Variants in ACTL8 observed in about 807,000 individuals in gnomAD.
ACTL8 encodes the protein actin-like protein 8.
Under a neutral mutation model 9.3 loss-of-function variants are expected in ACTL8, and 3 were observed. That is an observed-to-expected ratio of 0.32 (90% CI 0.15 to 0.83). The LOEUF (loss-of-function observed/expected upper bound fraction) is 0.83. ACTL8 is among the 40% of genes least tolerant of loss of function. The pLI is 0.57. For missense variants in ACTL8, 381 were observed against 492.2 expected (o/e 0.77, Z 2.14); for synonymous variants, 224 against 205.9 (o/e 1.09, Z -0.75).
At chr1:17,764,694 A>G (rs2066031982) in intron 1 of ACTL8, among the ~76,000 whole-genome samples, 1 of 152,124 alleles carries the variant, frequency 6.6e-6, no homozygotes, top group Non-Finnish European at 1.5e-5. Flanking sequence ...GTGGCCTGAG[A>G]GCCTGGGTTT....
chr1:17,773,317 G>C (rs147039260), intron 1 of ACTL8, among the ~76,000 whole-genome samples: 1 of 152,288 alleles, frequency 6.6e-6, no homozygotes, highest in Non-Finnish European at 1.5e-5. Context: ...CTGGCTCACC[G>C]ATCGCTGTGC....
chr1:17,796,145 G>A (rs909140631), intron 1 of ACTL8, among the ~76,000 whole-genome samples: 5 of 152,184 alleles, frequency 3.3e-5, no homozygotes, highest in African/African-American at 1.2e-4. Context: ...AGGTCCTGGG[G>A]ACCCCAGCTG....
At chr1:17,760,090 C>A (rs1380187208) in intron 1 of ACTL8, among the ~76,000 whole-genome samples, 4 of 152,302 alleles carry the variant, frequency 2.6e-5, no homozygotes, top group East Asian at 3.9e-4. Context: ...TATGAATAAT[C>A]TGTGATGTGT....
Position 17,802,416 on chromosome 1 carries a change from T to C in ACTL8, c.-24-20569T>C, listed in dbSNP as rs561317455. 5.6e-4 allele frequency among the ~76,000 whole-genome samples: 77 copies of C among 136,890 alleles called. 1 individual carries two copies. Among genetic ancestry groups the C allele is most frequent in the African/African-American group, 2.1e-3 (74 of 34,994 alleles). 89.8% of individuals were successfully genotyped at this position (136,890 alleles called of 152,430 possible). On this transcript the variant is annotated intron_variant, in intron 1 of 2. Transcript: ENST00000375406. The stretch of plus-strand genomic sequence containing the variant: ...CACTGAACAGCAGATCCCGGATGAC[T>C]GTGCGTGCGTGTGTGTGTGTGTGTG...
At chr1:17,763,842 G>A (rs9793379) in intron 1 of ACTL8, among the ~76,000 whole-genome samples, 1 of 152,184 alleles carries the variant, frequency 6.6e-6, no homozygotes, top group Non-Finnish European at 1.5e-5. Context: ...TTCCGCCCTC[G>A]GGAAACAGGG....
chr1:17,784,568 G>A (rs2102684946), intron 1 of ACTL8, among the ~76,000 whole-genome samples: 1 of 152,270 alleles, frequency 6.6e-6, no homozygotes, highest in African/African-American at 2.4e-5. Context: ...TTGAACTTTT[G>A]TTATTTTTGT....
chr1:17,823,732 AAAC>A lies in ACTL8; in HGVS notation c.348+379_348+381del, dbSNP rs2053684682. The stretch of plus-strand genomic sequence containing the variant: ...AACAGAGCAAGGCCCTGTCTCAAAA[AAAC>A]AAACAAACAAAAAAACCCAACAGAA... On this transcript the variant is annotated intron_variant, in intron 2 of 2. Coordinates refer to ENST00000375406, the MANE Select transcript of ACTL8 (RefSeq NM_030812.3). This position sits in a 1 kb window ranked among gnomAD's most constrained non-coding sequence, Gnocchi z 5.3. Among the ~76,000 whole-genome samples the A allele has an allele frequency of 6.6e-6, 1 of 152,094 alleles. No individual in the cohort carries two copies. The highest frequency in any genetic ancestry group is 1.5e-5 in the Non-Finnish European group (1 of 67,990).
intron 1 of ACTL8, among the ~76,000 whole-genome samples, chr1:17,763,396 C>G (rs1469802975): frequency 3.9e-5 from 6 of 152,048 alleles, no homozygotes; most frequent in Non-Finnish European, 7.4e-5. Flanking sequence ...AGAAAGCCTC[C>G]CCGGAGGTGC....
intron 1 of ACTL8, among the ~76,000 whole-genome samples, chr1:17,818,550 T>TG (rs2066444405): frequency 6.6e-6 from 1 of 152,248 alleles, no homozygotes; most frequent in Admixed American, 6.5e-5. Flanking sequence ...ACAGGCCTGC[T>TG]GGCTGATCCT....
At chr1:17,776,710 A>G (rs2066120295) in intron 1 of ACTL8, among the ~76,000 whole-genome samples, 1 of 152,090 alleles carries the variant, frequency 6.6e-6, no homozygotes, top group Non-Finnish European at 1.5e-5. Flanking sequence ...GAAGGGTTTT[A>G]AATAAGGCCG....
intron 1 of ACTL8, among the ~76,000 whole-genome samples, chr1:17,800,594 T>A (rs2066314322): frequency 7.1e-6 from 1 of 140,836 alleles, no homozygotes; most frequent in Admixed American, 7.0e-5. Context: ...TTTTTTTTTT[T>A]TTTTTTTTTT....
intron 1 of ACTL8, among the ~76,000 whole-genome samples, chr1:17,797,692 C>A (rs943436285): frequency 6.6e-6 from 1 of 152,204 alleles, no homozygotes; most frequent in East Asian, 1.9e-4. Context: ...GTGGCTCTGG[C>A]AGCTTCCTGT....
At chr1:17,782,293 C>G (rs1466081473) in intron 1 of ACTL8, among the ~76,000 whole-genome samples, 1 of 152,166 alleles carries the variant, frequency 6.6e-6, no homozygotes, top group Non-Finnish European at 1.5e-5. Context: ...AGGGCCATTG[C>G]TTTCGCTTCT....
At chr1:17,775,846 A>G (rs1209529557) in intron 1 of ACTL8, among the ~76,000 whole-genome samples, 2 of 152,162 alleles carry the variant, frequency 1.3e-5, no homozygotes, top group African/African-American at 4.8e-5. Context: ...CTAGTAGAGT[A>G]GACAGACCAA....
intron 1 of ACTL8, among the ~76,000 whole-genome samples, chr1:17,795,778 CTTG>C (rs2066272667): frequency 6.6e-6 from 1 of 152,154 alleles, no homozygotes; most frequent in South Asian, 2.1e-4. Context: ...ATTCCAAAAT[CTTG>C]TTGTGATCAC....
intron 1 of ACTL8, among the ~76,000 whole-genome samples, chr1:17,802,871 G>A (rs1405371165): frequency 1.3e-5 from 2 of 152,276 alleles, no homozygotes; most frequent in Admixed American, 6.5e-5. Context: ...TGTAATCCCA[G>A]CTACTCGGGA....
chr1:17,757,774 G>C (rs113481779), intron 1 of ACTL8, among the ~76,000 whole-genome samples: 1 of 152,202 alleles, frequency 6.6e-6, no homozygotes, highest in African/African-American at 2.4e-5. Context: ...AAGGCAGAAT[G>C]TAACACTAGC....
chr1:17,759,078 GTGT>G (rs1180968842), intron 1 of ACTL8, among the ~76,000 whole-genome samples: 2 of 152,370 alleles, frequency 1.3e-5, no homozygotes, highest in East Asian at 3.9e-4. Context: ...ATACGCAGTT[GTGT>G]TGTTGTACAG....
chr1:17,824,286 C>T (rs1287848241), intron 2 of ACTL8, among the ~76,000 whole-genome samples: 4 of 151,996 alleles, frequency 2.6e-5, no homozygotes, highest in Non-Finnish European at 5.9e-5. Flanking sequence ...TGGAACATAG[C>T]CACACACATT....
Sources: allele counts gnomAD v4.1 joint callset (sites outside exome capture counted in the v4.1 genomes callset), GRCh38; gene constraint gnomAD v4.1.1; non-coding constraint Gnocchi (gnomAD v3.1); transcripts MANE v1.5; gene names NCBI Gene and HGNC (gene_info 2026-07-23, HGNC 2026-07-21).